Variants in SEC23B observed in about 807,000 individuals in gnomAD.
SEC23B encodes the protein protein transport protein Sec23B.
Under a neutral mutation model 104.3 loss-of-function variants are expected in SEC23B, and 77 were observed. The observed-to-expected ratio is 0.74, with a 90% CI of 0.61 to 0.89. The LOEUF (loss-of-function observed/expected upper bound fraction) is 0.89, where lower values mean the gene tolerates loss of function less well. Among genes scored for constraint, SEC23B ranks in the 40% least tolerant of loss-of-function variants. The pLI, the probability that SEC23B is intolerant of heterozygous loss-of-function variation, is 0.00. For missense variants in SEC23B, 885 were observed against 949.4 expected (o/e 0.93, Z 0.89); for synonymous variants, 338 against 332.5 (o/e 1.02, Z -0.18).
chr20:18,516,064 T>G (rs979203652), intron 4 of SEC23B: 1 of 302,118 alleles, frequency 3.3e-6, no homozygotes, highest in African/African-American at 2.2e-5. Context: ...GTTCCATATC[T>G]AATTCACTGG....
chr20:18,549,910 G>A (rs1189187410), intron 16 of SEC23B, among the ~76,000 whole-genome samples: 1 of 151,868 alleles, frequency 6.6e-6, no homozygotes, highest in Non-Finnish European at 1.5e-5. Flanking sequence ...GGAGGCGGAG[G>A]CTGCAGTGAG....
intron 4 of SEC23B, 130 bp from the exon 5 acceptor site, chr20:18,524,303 T>C (rs2060113515): frequency 2.6e-6 from 2 of 757,980 alleles, no homozygotes; most frequent in Non-Finnish European, 4.8e-6. Flanking sequence ...TAGAGCTTTG[T>C]ATAGATGTCC....
intron 2 of SEC23B, 128 bp downstream of exon 2, chr20:18,511,184 C>G: frequency 1.4e-6 from 1 of 735,664 alleles, no homozygotes; most frequent in Non-Finnish European, 2.4e-6. Flanking sequence ...TGATGAGACT[C>G]CTAAACGATT....
chr20:18,550,060 AG>A (rs1158792272), intron 16 of SEC23B, among the ~76,000 whole-genome samples: 4 of 121,950 alleles, frequency 3.3e-5, no homozygotes, highest in Admixed American at 1.8e-4. Flanking sequence ...TGTATATATA[AG>A]AACTATGTAT....
intron 17 of SEC23B, among the ~76,000 whole-genome samples, chr20:18,551,713 CA>C (rs2060388192): frequency 7.1e-6 from 1 of 140,550 alleles, no homozygotes; most frequent in South Asian, 2.5e-4. Flanking sequence ...AACTCCATCT[CA>C]AAAAATAAAT....
chr20:18,555,075 C>T, intron 18 of SEC23B, 33 bp from the exon 19 acceptor site: 2 of 1,594,514 alleles, frequency 1.3e-6, no homozygotes, highest in Non-Finnish European at 1.7e-6. Context: ...ACTTTTTAAT[C>T]TTTAAATCTT....
intron 4 of SEC23B, among the ~76,000 whole-genome samples, chr20:18,519,813 T>C (rs1886726428): frequency 6.6e-6 from 1 of 151,980 alleles, no homozygotes; most frequent in Admixed American, 6.5e-5. Context: ...GGAAAGGAGT[T>C]GTTGTTTTGT....
In SEC23B at chr20:18,515,560, G is replaced by A. The variant is rs934924821; in HGVS notation, c.280-90G>A. On this transcript the variant is annotated intron_variant, in intron 3 of 19. Transcript: ENST00000650089. ...GCTCCTGAGCTCAAGTGTTCCTCTCGTCTTGGCATCATTATCATTTTTACA... is the reference window on the plus strand; with the variant it reads ...GCTCCTGAGCTCAAGTGTTCCTCTCATCTTGGCATCATTATCATTTTTACA... 2.2e-5 allele frequency: 17 copies of A among 775,578 alleles called. No homozygotes were observed. In the East Asian group the frequency reaches 2.4e-4, roughly 11 times the overall value. The allele number at this position is 775,578 out of a possible 1,614,324, so 48.0% of individuals were successfully genotyped here. A position where few individuals can be genotyped will look rare whatever the true frequency, so the allele number is the denominator to read the frequency against.
chr20:18,535,471 A>T (rs1189142711), intron 11 of SEC23B, among the ~76,000 whole-genome samples, 182 bp from the exon 12 acceptor site: 2 of 152,180 alleles, frequency 1.3e-5, no homozygotes, highest in African/African-American at 4.8e-5. Flanking sequence ...TTAAAGTGTA[A>T]ATGTAAATGT....
At chr20:18,509,147 C>T (rs1322747972) in intron 1 of SEC23B, among the ~76,000 whole-genome samples, 1 of 152,222 alleles carries the variant, frequency 6.6e-6, no homozygotes, top group African/African-American at 2.4e-5. Flanking sequence ...CTTTGCTTCC[C>T]ATGAAGCTCC....
intron 17 of SEC23B, among the ~76,000 whole-genome samples, chr20:18,552,972 A>C (rs567229891): frequency 6.6e-6 from 1 of 152,210 alleles, no homozygotes; most frequent in Non-Finnish European, 1.5e-5. Flanking sequence ...TTGAGTATCT[A>C]TGGAATTTGG....
At chr20:18,555,359 G>C (rs1303559064) in intron 19 of SEC23B, among the ~76,000 whole-genome samples, 186 bp downstream of exon 19, 3 of 152,028 alleles carry the variant, frequency 2.0e-5, no homozygotes, top group Non-Finnish European at 4.4e-5. Context: ...GGTTGAGGGG[G>C]CTCCCTGGGT....
At chr20:18,527,709 G>A (rs960618255) in intron 9 of SEC23B, 98 bp downstream of exon 9, 100 of 834,464 alleles carry the variant, frequency 1.2e-4, no homozygotes, top group Non-Finnish European at 2.0e-4. Context: ...CCAACTCAGA[G>A]AAGCTTTCAG....
chr20:18,519,658 A>G (rs1446117969), intron 4 of SEC23B, among the ~76,000 whole-genome samples: 2 of 147,136 alleles, frequency 1.4e-5, no homozygotes, highest in Admixed American at 1.4e-4. Context: ...TCTAAAGCTG[A>G]CTTCAAGGAA....
Position 18,530,680 on chromosome 20 carries a change from A to G in SEC23B, c.1110A>G (p.Gly370=), listed in dbSNP as rs771102898. Residue 370 remains glycine (G), a splice_region_variant and synonymous_variant, in exon 10 of 20, where the codon GGA becomes GGG. Coordinates refer to ENST00000650089, the MANE Select transcript of SEC23B (RefSeq NM_006363.6). ...ACTTGATTTTTTTCTTCTTACCTAG[A>G]GGCTACATGGTAATGGGAGATTCTT... is the stretch of plus-strand genomic sequence containing the variant. ...LEMKCCANLT[G]GYMVMGDSFN... is the part of the protein sequence containing the mutation. 2.5e-6 allele frequency: 4 copies of G among 1,611,752 alleles called. No individual in the cohort carries two copies. In the Admixed American group the frequency reaches 5.0e-5, roughly 20 times the overall value.
intron 16 of SEC23B, among the ~76,000 whole-genome samples, chr20:18,550,199 G>A (rs182578292): frequency 5.4e-5 from 8 of 147,512 alleles, no homozygotes; most frequent in Admixed American, 2.8e-4. Context: ...CTGTCACCCA[G>A]GTTGGAGTAC....
At chr20:18,548,226 C>T (rs1030771502) in intron 15 of SEC23B, among the ~76,000 whole-genome samples, 3 of 152,004 alleles carry the variant, frequency 2.0e-5, no homozygotes, top group Admixed American at 2.0e-4. Flanking sequence ...GCTGGGATTA[C>T]AGGCGTGAGC....
At chr20:18,551,033 T>C in intron 16 of SEC23B, 56 bp from the exon 17 acceptor site, 1 of 1,112,512 alleles carries the variant, frequency 9.0e-7, no homozygotes, top group Non-Finnish European at 1.4e-6. Flanking sequence ...GTGGAAGTGG[T>C]TGCTGTGTGG....
chr20:18,522,923 C>G (rs991670271), intron 4 of SEC23B, among the ~76,000 whole-genome samples: 3 of 151,848 alleles, frequency 2.0e-5, no homozygotes, highest in Non-Finnish European at 2.9e-5. Flanking sequence ...AAAAATTAGC[C>G]GGGCGTGGTG....
Sources: gnomAD v4.1 joint callset for allele counts (sites outside exome capture counted in the v4.1 genomes callset) on GRCh38, gnomAD v4.1.1 for gene constraint, MANE v1.5 for transcripts, NCBI Gene and HGNC (gene_info 2026-07-23, HGNC 2026-07-21) for gene names.